Variants in DTWD2 observed in about 807,000 individuals in gnomAD.
DTWD2 encodes DTW motif tRNA-uridine aminocarboxypropyltransferase 2.
In DTWD2, 39 loss-of-function variants were observed where a neutral mutation model predicts 31.8. The observed-to-expected ratio is 1.22, with a 90% CI of 0.95 to 1.60. The LOEUF is 1.60. DTWD2 is among the 40% of genes most tolerant of loss of function. DTWD2 has a pLI of 0.00. For missense variants in DTWD2, 515 were observed against 381.5 expected (o/e 1.35, Z -2.92); for synonymous variants, 180 against 142.8 (o/e 1.26, Z -1.86).
At chr5:118,970,851 A>C (rs1416219100) in intron 1 of DTWD2, among the ~76,000 whole-genome samples, 1 of 152,196 alleles carries the variant, frequency 6.6e-6, no homozygotes, top group Non-Finnish European at 1.5e-5. Flanking sequence ...TTCTTAAAAG[A>C]ATTTCCAGCC....
At chr5:118,843,351 G>A (rs1310324329) in intron 5 of DTWD2, among the ~76,000 whole-genome samples, 1 of 150,802 alleles carries the variant, frequency 6.6e-6, no homozygotes, top group Non-Finnish European at 1.5e-5. Flanking sequence ...GGGAGGCAGG[G>A]AGGGAGGAAG....
intron 1 of DTWD2, among the ~76,000 whole-genome samples, chr5:118,962,568 A>G (rs1023253657): frequency 3.3e-5 from 5 of 152,222 alleles, no homozygotes; most frequent in African/African-American, 1.2e-4. Flanking sequence ...AGCAAAACAG[A>G]CTAATTTCAT....
intron 1 of DTWD2, among the ~76,000 whole-genome samples, chr5:118,987,898 A>G (rs1476102961): frequency 6.6e-6 from 1 of 152,176 alleles, no homozygotes; most frequent in Non-Finnish European, 1.5e-5. Flanking sequence ...GGTAAAGGAG[A>G]CTGTCTCTCT....
At chr5:118,857,766 T>A (rs1397696528) in intron 4 of DTWD2, among the ~76,000 whole-genome samples, 1 of 152,198 alleles carries the variant, frequency 6.6e-6, no homozygotes, top group Non-Finnish European at 1.5e-5. Flanking sequence ...CTGTTCCCAC[T>A]AGCCAGAGTG....
At position 118,839,857 on chromosome 5, in the gene DTWD2, T is replaced by C. The variant is rs1426581129; in HGVS notation, c.*1060A>G. The stretch of plus-strand genomic sequence containing the variant: ...ACTGTGAGAAATAATCATTGGTGTA[T>C]GCTCTATAAATAGTTACCAAGTTTA... On this transcript the variant is annotated 3_prime_UTR_variant, in exon 6 of 6. Transcript: ENST00000510708. The C allele has an allele frequency of 6.6e-6, 1 of 152,208 alleles. No individual in the cohort carries two copies. Among genetic ancestry groups the C allele is most frequent in the African/African-American group, 2.4e-5 (1 of 41,446 alleles). The allele number at this position is 152,208 out of a possible 1,614,324, so 9.4% of individuals were successfully genotyped here.
intron 4 of DTWD2, among the ~76,000 whole-genome samples, chr5:118,852,698 C>T (rs904766639): frequency 2.1e-5 from 3 of 144,016 alleles, no homozygotes; most frequent in African/African-American, 7.7e-5. Context: ...TATCAATTGA[C>T]CCAGAAATCT....
At chr5:118,921,462 G>A (rs754309982) in intron 4 of DTWD2, among the ~76,000 whole-genome samples, 8 of 150,682 alleles carry the variant, frequency 5.3e-5, no homozygotes, top group Non-Finnish European at 8.8e-5. Flanking sequence ...GGAAGCTGCA[G>A]TGAGCTATAA....
intron 1 of DTWD2, among the ~76,000 whole-genome samples, chr5:118,976,692 T>C (rs965770904): frequency 1.3e-5 from 2 of 152,234 alleles, no homozygotes; most frequent in African/African-American, 2.4e-5. Context: ...ATTGAGGCAG[T>C]AATTAATAGC....
chr5:118,945,128 C>T (rs980205393), intron 1 of DTWD2, among the ~76,000 whole-genome samples: 6 of 152,254 alleles, frequency 3.9e-5, no homozygotes, highest in African/African-American at 1.2e-4. Context: ...GAGAACTTAC[C>T]AATTGTGAGA....
At chr5:118,884,779 G>A (rs898037850) in intron 4 of DTWD2, among the ~76,000 whole-genome samples, 63 of 152,022 alleles carry the variant, frequency 4.1e-4, no homozygotes, top group African/African-American at 1.1e-3. Context: ...GGCCGAGGCA[G>A]GAAGATCACA....
intron 1 of DTWD2, among the ~76,000 whole-genome samples, chr5:118,950,163 A>AGATCACG (rs1227836131): frequency 6.9e-6 from 1 of 144,946 alleles, no homozygotes; most frequent in African/African-American, 2.6e-5. Flanking sequence ...TATTGAGCCG[A>AGATCACG]GATCACGCCA....
At chr5:118,954,154 C>T (rs1384187286) in intron 1 of DTWD2, among the ~76,000 whole-genome samples, 1 of 152,040 alleles carries the variant, frequency 6.6e-6, no homozygotes, top group African/African-American at 2.4e-5. Context: ...AGCTGTAGTC[C>T]CAGCTACTTG....
chr5:118,844,297 T>C (rs904091177), intron 5 of DTWD2, among the ~76,000 whole-genome samples: 4 of 152,170 alleles, frequency 2.6e-5, no homozygotes, highest in African/African-American at 7.2e-5. Flanking sequence ...TTTTGCCACA[T>C]CTATCTTTAA....
intron 4 of DTWD2, among the ~76,000 whole-genome samples, chr5:118,883,726 C>T (rs901778157): frequency 5.3e-5 from 8 of 152,138 alleles, no homozygotes; most frequent in African/African-American, 1.9e-4. Context: ...ACAAAAACAG[C>T]ACCCCCATGA....
chr5:118,844,408 T>C (rs1751798858), intron 5 of DTWD2, among the ~76,000 whole-genome samples: 1 of 152,194 alleles, frequency 6.6e-6, no homozygotes, highest in Admixed American at 6.5e-5. Context: ...GTAAATACTG[T>C]AGTAGCTAAT....
At chr5:118,960,606 T>C (rs1411750770) in intron 1 of DTWD2, among the ~76,000 whole-genome samples, 1 of 152,202 alleles carries the variant, frequency 6.6e-6, no homozygotes, top group Admixed American at 6.5e-5. Flanking sequence ...TAAACTCTTC[T>C]ACCATAAAGA....
intron 1 of DTWD2, among the ~76,000 whole-genome samples, chr5:118,971,556 A>T (rs1754988292): frequency 1.3e-5 from 2 of 152,172 alleles, no homozygotes; most frequent in Non-Finnish European, 2.9e-5. Flanking sequence ...CCCCACTGAC[A>T]ATATTAGACA....
intron 4 of DTWD2, among the ~76,000 whole-genome samples, chr5:118,877,338 G>A (rs560368451): frequency 7.0e-4 from 107 of 152,202 alleles, no homozygotes; most frequent in African/African-American, 2.4e-3. Flanking sequence ...CAGGCGTGGT[G>A]GCGGGTGCCT....
rs201993287 is a variant in DTWD2 at position 118,867,594 on chromosome 5, T to C, written c.598-19376A>G. On this transcript the variant is annotated intron_variant, in intron 4 of 5. Transcript: ENST00000510708. ...CTTCCATTTTCTTAACTAAATATTA[T>C]GGAAGCATCTCAAAAAAATACATAT... Among the ~76,000 whole-genome samples, 89 of 152,320 alleles carry C rather than the reference T, an allele frequency of 5.8e-4. 1 individual carries two copies. The East Asian group carries it at 0.016, about 28-fold the overall frequency.
Sources: allele counts gnomAD v4.1 joint callset (sites outside exome capture counted in the v4.1 genomes callset), GRCh38; gene constraint gnomAD v4.1.1; transcripts MANE v1.5; gene names NCBI Gene and HGNC (gene_info 2026-07-23, HGNC 2026-07-21).